JAZF1: variants seen among roughly 807,000 people sequenced by gnomAD.
JAZF1 encodes JAZF zinc finger 1.
Under a neutral mutation model 26.4 loss-of-function variants are expected in JAZF1, and 8 were observed. That is an observed-to-expected ratio of 0.30 (90% CI 0.18 to 0.55). The LOEUF is 0.55. Among genes scored for constraint, JAZF1 ranks in the 20% least tolerant of loss-of-function variants. The probability of loss-of-function intolerance (pLI) is 0.94; values close to 1 mark genes in which losing one functional copy is unlikely to be tolerated. For missense variants in JAZF1, 199 were observed against 322.0 expected (o/e 0.62, Z 2.92); for synonymous variants, 126 against 122.3 (o/e 1.03, Z -0.20).
At chr7:28,056,336 G>A (rs1459302873) in intron 1 of JAZF1, among the ~76,000 whole-genome samples, 1 of 151,926 alleles carries the variant, frequency 6.6e-6, no homozygotes, top group Non-Finnish European at 1.5e-5. Context: ...TGTCAGATGG[G>A]ACTCCTGGGA....
intron 1 of JAZF1, among the ~76,000 whole-genome samples, chr7:28,179,838 C>A (rs1783609190): frequency 6.8e-6 from 1 of 147,420 alleles, no homozygotes; most frequent in Admixed American, 6.7e-5. Flanking sequence ...ACCTAGCAAC[C>A]GGCGCTGACA....
intron 1 of JAZF1, among the ~76,000 whole-genome samples, chr7:28,152,440 A>C (rs1661188285): frequency 6.6e-6 from 1 of 152,154 alleles, no homozygotes; most frequent in African/African-American, 2.4e-5. Context: ...TCCATCTCCC[A>C]GTTACCCCAC....
Position 28,111,399 on chromosome 7 carries a change from GTGTT to G in JAZF1, c.115+69060_115+69063del, listed in dbSNP as rs146066240. On this transcript the variant is annotated intron_variant, in intron 1 of 4. Transcript: ENST00000283928. ...TAGGGTTTTGTTACATTTTATTTAT[GTGTT>G]TGTTTATTAATTCATTTGGTGAGCT... is the stretch of plus-strand genomic sequence containing the variant. 5.7e-4 allele frequency among the ~76,000 whole-genome samples: 87 copies of G among 152,264 alleles called. No homozygotes were observed. In the East Asian group the frequency reaches 0.013, roughly 22 times the overall value.
At chr7:27,988,151 C>T (rs909455917) in intron 2 of JAZF1, among the ~76,000 whole-genome samples, 2 of 150,576 alleles carry the variant, frequency 1.3e-5, no homozygotes, top group Non-Finnish European at 2.9e-5. Flanking sequence ...CCTGCCAAAT[C>T]CCCCTCTATG....
intron 2 of JAZF1, among the ~76,000 whole-genome samples, chr7:27,901,151 G>A (rs1784155545): frequency 6.6e-6 from 1 of 152,102 alleles, no homozygotes; most frequent in African/African-American, 2.4e-5. Context: ...TCTGCGGTCA[G>A]GCAAAGCAGT....
chr7:28,114,887 T>G (rs1262372449), intron 1 of JAZF1, among the ~76,000 whole-genome samples: 2 of 150,118 alleles, frequency 1.3e-5, no homozygotes, highest in Non-Finnish European at 3.0e-5. Flanking sequence ...AAAATGGGGG[T>G]GAAAGGACAT....
At chr7:27,926,592 T>C (rs1784603407) in intron 2 of JAZF1, among the ~76,000 whole-genome samples, 1 of 152,228 alleles carries the variant, frequency 6.6e-6, no homozygotes, top group Non-Finnish European at 1.5e-5. Context: ...TTCATTGCCT[T>C]CAACGTATGA....
chr7:28,050,628 G>C (rs1463655501), intron 1 of JAZF1, among the ~76,000 whole-genome samples: 1 of 152,104 alleles, frequency 6.6e-6, no homozygotes, highest in East Asian at 1.9e-4. Flanking sequence ...AATTTTTGAA[G>C]TGTACAGAGA....
At chr7:27,833,682 A>T (rs1782754116) in intron 4 of JAZF1, among the ~76,000 whole-genome samples, 1 of 152,216 alleles carries the variant, frequency 6.6e-6, no homozygotes, top group African/African-American at 2.4e-5. Context: ...AGGTTATATA[A>T]TGTTAGTCAC....
chr7:27,936,764 G>A (rs1344189772), intron 2 of JAZF1, among the ~76,000 whole-genome samples: 1 of 152,140 alleles, frequency 6.6e-6, no homozygotes, highest in African/African-American at 2.4e-5. Context: ...AAAACGGCTC[G>A]TAAGGCCAGA....
chr7:27,984,863 C>T (rs1239277840), intron 2 of JAZF1, among the ~76,000 whole-genome samples: 1 of 152,024 alleles, frequency 6.6e-6, no homozygotes, highest in Non-Finnish European at 1.5e-5. Flanking sequence ...ACTGGGTACA[C>T]AACAAAATGA....
At chr7:27,973,526 C>A (rs938187972) in intron 2 of JAZF1, among the ~76,000 whole-genome samples, 2 of 152,102 alleles carry the variant, frequency 1.3e-5, no homozygotes, top group Non-Finnish European at 2.9e-5. Flanking sequence ...CTCAAACTCC[C>A]GCGCTCAAGT....
chr7:27,945,715 A>C (rs1172418340), intron 2 of JAZF1, among the ~76,000 whole-genome samples: 1 of 152,232 alleles, frequency 6.6e-6, no homozygotes, highest in African/African-American at 2.4e-5. Flanking sequence ...ATTTGTATGC[A>C]CTTTAAGTTT....
chr7:28,120,176 G>T (rs986175532), intron 1 of JAZF1, among the ~76,000 whole-genome samples: 69 of 148,000 alleles, frequency 4.7e-4, no homozygotes, highest in African/African-American at 1.4e-3. Context: ...TTGTTTGGTG[G>T]TTTTTTTTTT....
chr7:28,068,555 C>T (rs1408064581), intron 1 of JAZF1, among the ~76,000 whole-genome samples: 1 of 152,122 alleles, frequency 6.6e-6, no homozygotes, highest in African/African-American at 2.4e-5. Flanking sequence ...TTTGACTCTA[C>T]TGACAAATTA....
chr7:28,180,665 G>A lies in JAZF1; in HGVS notation c.-88C>T, dbSNP rs1783633456. ...GGGAGGCCGGGTGGGGTGAGGAGAG[G>A]AGGGGCTGGGGGAGGGGGAGAGAGG... On this transcript the variant is annotated 5_prime_UTR_variant, in exon 1 of 5. Transcript: ENST00000283928. 6.7e-6 allele frequency: 5 copies of A among 750,168 alleles called. No individual in the cohort carries two copies. The Admixed American group carries it at 8.6e-5, about 13-fold the overall frequency. 46.5% of individuals were successfully genotyped at this position (750,168 alleles called of 1,614,324 possible).
chr7:28,125,482 C>A (rs915444455), intron 1 of JAZF1, among the ~76,000 whole-genome samples: 1 of 152,192 alleles, frequency 6.6e-6, no homozygotes, highest in African/African-American at 2.4e-5. Context: ...TTCCTAGCAA[C>A]AGCGGGGCTA....
rs781028816 is a variant in JAZF1, at chr7:27,832,791, A to AC, written c.*8dup. ...GTGAGGATTTCTTGGCACAGTTATG[A>AC]CCAGCATGTTATTGCTGCATCTTCC... On this transcript the variant is annotated 3_prime_UTR_variant, in exon 5 of 5. Transcript: ENST00000283928. The AC allele has an allele frequency of 1.5e-5, 24 of 1,555,204 alleles. No individual in the cohort carries two copies. The Admixed American group carries it at 4.3e-4, about 28-fold the overall frequency.
intron 2 of JAZF1, among the ~76,000 whole-genome samples, chr7:27,960,925 T>C (rs1409535559): frequency 1.3e-5 from 2 of 152,094 alleles, no homozygotes; most frequent in Admixed American, 1.3e-4. Flanking sequence ...AAGAGAAGCA[T>C]GACAGGCCAA....
Sources: gnomAD v4.1 joint callset for allele counts (sites outside exome capture counted in the v4.1 genomes callset) on GRCh38, gnomAD v4.1.1 for gene constraint, MANE v1.5 for transcripts, NCBI Gene and HGNC (gene_info 2026-07-23, HGNC 2026-07-21) for gene names.